TMEM120B: variants seen among roughly 807,000 people sequenced by gnomAD.
The protein encoded by TMEM120B is transmembrane protein 120B.
In TMEM120B, 31 loss-of-function variants were observed where a neutral mutation model predicts 55.5. The observed-to-expected ratio is 0.56, with a 90% CI of 0.42 to 0.75. TMEM120B has a LOEUF of 0.75. TMEM120B is among the 30% of genes least tolerant of loss of function. The pLI, the probability that TMEM120B is intolerant of heterozygous loss-of-function variation, is 0.00. For missense variants in TMEM120B, 399 were observed against 425.5 expected (o/e 0.94, Z 0.55); for synonymous variants, 203 against 176.3 (o/e 1.15, Z -1.20).
chr12:121,751,956 A>G lies in TMEM120B; in HGVS notation c.366-172A>G, dbSNP rs1235329390. On this transcript the variant is annotated intron_variant, in intron 4 of 11. Coordinates refer to ENST00000449592, the MANE Select transcript of TMEM120B (RefSeq NM_001080825.2). ...CTGCATACTTGGCCCTCTTCCCCTC[A>G]TTGGTCACCACTAACCCGTCAAGGC... Among the ~76,000 whole-genome samples the G allele has an allele frequency of 3.3e-5, 5 of 152,232 alleles. No homozygotes were observed. In the East Asian group the frequency reaches 5.8e-4, roughly 18 times the overall value.
At chr12:121,721,815 T>C (rs1894795360) in intron 1 of TMEM120B, among the ~76,000 whole-genome samples, 1 of 97,378 alleles carries the variant, frequency 1.0e-5, no homozygotes. Flanking sequence ...TTTTTTTTTT[T>C]TTTTTTTTTT....
In TMEM120B at chr12:121,775,042, G is replaced by A; in HGVS notation, c.838-20G>A. ...GCCAGGGGAGTCTGGTGGGTGAGCA[G>A]CGCCTGCCTTCCTCTCCAGTTCTGG... On this transcript the variant is annotated intron_variant, in intron 10 of 11. Transcript: ENST00000449592. This position sits in a 1 kb window ranked among gnomAD's most constrained non-coding sequence, Gnocchi z 4.3. 6.2e-7 allele frequency: 1 copy of A among 1,613,060 alleles called. No homozygotes were observed. The highest frequency in any genetic ancestry group is 1.1e-5 in the South Asian group (1 of 90,946).
At chr12:121,719,332 G>A (rs1030824245) in intron 1 of TMEM120B, among the ~76,000 whole-genome samples, 3 of 152,170 alleles carry the variant, frequency 2.0e-5, no homozygotes, top group Admixed American at 6.6e-5. Context: ...GCCTATGCCT[G>A]TAATCCCAAC....
chr12:121,721,466 C>G (rs1894786631), intron 1 of TMEM120B, among the ~76,000 whole-genome samples: 1 of 150,608 alleles, frequency 6.6e-6, no homozygotes, highest in Non-Finnish European at 1.5e-5. Context: ...GGTATGAGTG[C>G]CTGGTCCTCC....
intron 5 of TMEM120B, among the ~76,000 whole-genome samples, chr12:121,753,344 T>G (rs879751546): frequency 6.6e-6 from 1 of 151,054 alleles, no homozygotes; most frequent in African/African-American, 2.4e-5. Context: ...GGGTACAAGG[T>G]TTTTTTTTAG....
At position 121,760,415 on chromosome 12, in the gene TMEM120B, G is replaced by A. The variant is rs140330379; in HGVS notation, c.462-1234G>A. On this transcript the variant is annotated intron_variant, in intron 5 of 11. Coordinates refer to ENST00000449592, the MANE Select transcript of TMEM120B (RefSeq NM_001080825.2). ...TATGCTGGCAGACTTCCGGGGGTCT[G>A]GTGACCCTCCTCTGATTCTTCCCTT... 1.2e-3 allele frequency among the ~76,000 whole-genome samples: 188 copies of A among 152,318 alleles called. 1 individual carries two copies. In the East Asian group the frequency reaches 0.032, roughly 26 times the overall value.
chr12:121,713,030 C>A, intron 1 of TMEM120B, 66 bp downstream of exon 1: 1 of 1,353,714 alleles, frequency 7.4e-7, no homozygotes, highest in Non-Finnish European at 9.9e-7. Context: ...CCTTCCTGAG[C>A]CCCCCGGCCC....
At chr12:121,761,768 A>T (rs2137291506) in intron 6 of TMEM120B, 30 bp downstream of exon 6, 1 of 1,576,222 alleles carries the variant, frequency 6.3e-7, no homozygotes, top group East Asian at 2.2e-5. Flanking sequence ...TGTGGGGAGC[A>T]CAAGAGGAGT....
intron 1 of TMEM120B, among the ~76,000 whole-genome samples, chr12:121,713,284 G>A (rs895005984): frequency 6.6e-6 from 1 of 152,140 alleles, no homozygotes; most frequent in Non-Finnish European, 1.5e-5. Context: ...TGTGGGGGTG[G>A]TTCAAAGAGA....
intron 6 of TMEM120B, among the ~76,000 whole-genome samples, chr12:121,763,206 AGGCTGGAGTGCAGTGGCGCAATCTC>A (rs1566522617): frequency 8.1e-6 from 1 of 123,248 alleles, no homozygotes; most frequent in African/African-American, 3.2e-5. Context: ...TCTGTCGCCC[AGGCTGGAGTGCAGTGGCGCAATCTC>A]GGCTCACTGC....
At chr12:121,745,086 C>T (rs1020272302) in intron 2 of TMEM120B, among the ~76,000 whole-genome samples, 1 of 152,160 alleles carries the variant, frequency 6.6e-6, no homozygotes, top group Non-Finnish European at 1.5e-5. Flanking sequence ...GGCCTCTGCC[C>T]ACTGATGCCA....
chr12:121,771,755 C>T (rs747620024), intron 8 of TMEM120B, among the ~76,000 whole-genome samples: 4 of 152,212 alleles, frequency 2.6e-5, no homozygotes, highest in Non-Finnish European at 5.9e-5. Flanking sequence ...CTGCCTGCTC[C>T]TTCCCCAGGC....
chr12:121,756,976 C>T (rs965204275), intron 5 of TMEM120B, among the ~76,000 whole-genome samples: 3 of 152,128 alleles, frequency 2.0e-5, no homozygotes, highest in Non-Finnish European at 2.9e-5. Context: ...TAGCTGAGGA[C>T]GGTGCCTGAG....
intron 1 of TMEM120B, among the ~76,000 whole-genome samples, chr12:121,735,554 A>G (rs1895093518): frequency 6.6e-6 from 1 of 151,288 alleles, no homozygotes; most frequent in South Asian, 2.1e-4. Context: ...GCACACCACC[A>G]TGGGCAGCTA....
intron 1 of TMEM120B, among the ~76,000 whole-genome samples, chr12:121,717,166 G>A (rs1894717581): frequency 6.6e-6 from 1 of 152,160 alleles, no homozygotes; most frequent in Non-Finnish European, 1.5e-5. Flanking sequence ...CCTGTGGCGT[G>A]ACCGCAGAAG....
rs972958483 is a variant in TMEM120B at position 121,776,254 on chromosome 12, ACCGCGT to A, written c.*534_*539del. 1 of 180,830 alleles carries A rather than the reference ACCGCGT, an allele frequency of 5.5e-6. No homozygotes were observed. The highest frequency in any genetic ancestry group is 1.1e-5 in the Non-Finnish European group (1 of 95,106). The allele number at this position is 180,830 out of a possible 1,614,324, so 11.2% of individuals were successfully genotyped here. A position where few individuals can be genotyped will look rare whatever the true frequency, so the allele number is the denominator to read the frequency against. On this transcript the variant is annotated 3_prime_UTR_variant, in exon 12 of 12. Coordinates refer to ENST00000449592, the MANE Select transcript of TMEM120B (RefSeq NM_001080825.2). ...GGTTATTTTAAGTTCTCAGAGACCC[ACCGCGT>A]CTGCCTCGTGCTCTTCTTGCCCCTG...
chr12:121,758,266 G>A (rs1873542047), intron 5 of TMEM120B: 1 of 985,356 alleles, frequency 1.0e-6, no homozygotes, highest in African/African-American at 1.7e-5. Context: ...TTCACAGATT[G>A]CAGGGCTGAG....
At chr12:121,731,165 C>G (rs1377143640) in intron 1 of TMEM120B, among the ~76,000 whole-genome samples, 2 of 152,168 alleles carry the variant, frequency 1.3e-5, no homozygotes, top group Non-Finnish European at 2.9e-5. Context: ...ACATTGCATA[C>G]TGATGTGTCT....
rs571298929 is a variant in TMEM120B, at chr12:121,728,806, A to G, written c.70-14823A>G. ...TCTACCTCTCTGCCCTGTTTTCCCAAACTGGGTTCATTCTCAGGCTGGGTC... is the reference window on the plus strand; with the variant it reads ...TCTACCTCTCTGCCCTGTTTTCCCAGACTGGGTTCATTCTCAGGCTGGGTC... On this transcript the variant is annotated intron_variant, in intron 1 of 11. Coordinates refer to ENST00000449592, the MANE Select transcript of TMEM120B (RefSeq NM_001080825.2). Among the ~76,000 whole-genome samples the G allele has an allele frequency of 2.0e-5, 3 of 152,318 alleles. No homozygotes were observed. The South Asian group carries it at 6.2e-4, about 32-fold the overall frequency.
Sources: gnomAD v4.1 joint callset for allele counts (sites outside exome capture counted in the v4.1 genomes callset) on GRCh38, gnomAD v4.1.1 for gene constraint, Gnocchi (gnomAD v3.1) non-coding constraint, MANE v1.5 for transcripts, NCBI Gene and HGNC (gene_info 2026-07-23, HGNC 2026-07-21) for gene names.